Variants in SGCD observed in about 807,000 individuals in gnomAD.
SGCD encodes sarcoglycan delta.
In SGCD, 18 loss-of-function variants were observed where a neutral mutation model predicts 36.6. That is an observed-to-expected ratio of 0.49 (90% CI 0.34 to 0.73). SGCD has a LOEUF of 0.73. Among genes scored for constraint, SGCD ranks in the 30% least tolerant of loss-of-function variants. The pLI, the probability that SGCD is intolerant of heterozygous loss-of-function variation, is 0.01. For synonymous variants in SGCD, 133 were observed against 130.6 expected, an observed-to-expected ratio of 1.02 and a Z score of -0.12; for missense variants, 387 against 346.7, an observed-to-expected ratio of 1.12 and a Z score of -0.92.
rs533839558 is a variant in SGCD, at chr5:155,876,739, A to T, written c.-282+6315A>T. Reference sequence around the variant, plus strand: ...TAGGGCATTAAAATGGCATTTCGTTACTTGATTGTTAGCCAAGTGACAAAT... The same window carrying T: ...TAGGGCATTAAAATGGCATTTCGTTTCTTGATTGTTAGCCAAGTGACAAAT... On this transcript the variant is annotated intron_variant, in intron 1 of 9. Coordinates refer to the SGCD transcript ENST00000517913. Among the ~76,000 whole-genome samples the T allele has an allele frequency of 1.4e-4, 21 of 152,176 alleles. No individual in the cohort carries two copies. In the South Asian group the frequency reaches 4.1e-3, roughly 30 times the overall value.
At chr5:156,690,169 G>A (rs1754056537) in intron 7 of SGCD, among the ~76,000 whole-genome samples, 1 of 152,166 alleles carries the variant, frequency 6.6e-6, no homozygotes, top group African/African-American at 2.4e-5. Context: ...TACTATACTA[G>A]CCCTGTTCTA....
At chr5:155,932,990 C>T (rs1268504710) in intron 1 of SGCD, among the ~76,000 whole-genome samples, 7 of 152,130 alleles carry the variant, frequency 4.6e-5, no homozygotes, top group African/African-American at 1.4e-4. Flanking sequence ...GCTCCTACCT[C>T]TTCTGCATTT....
intron 1 of SGCD, among the ~76,000 whole-genome samples, chr5:156,070,663 A>G (rs1159470142): frequency 6.6e-6 from 1 of 151,950 alleles, no homozygotes; most frequent in Admixed American, 6.6e-5. Context: ...GTTAGGGAGG[A>G]TTCCCCCTTT....
chr5:156,104,924 T>C (rs187756828), intron 1 of SGCD, among the ~76,000 whole-genome samples: 3 of 152,150 alleles, frequency 2.0e-5, no homozygotes, highest in Non-Finnish European at 4.4e-5. Context: ...AGAGAAAGCA[T>C]TGAATAAATG....
At chr5:156,722,753 A>G (rs1351998984) in intron 7 of SGCD, among the ~76,000 whole-genome samples, 2 of 152,196 alleles carry the variant, frequency 1.3e-5, no homozygotes, top group Non-Finnish European at 2.9e-5. Context: ...CCTCAGTTAT[A>G]GGTCGACCAT....
In SGCD at chr5:156,313,980, G is replaced by GTCCTGAAAATCTTAGCCCACAAT. The variant is rs561758821; in HGVS notation, c.-43-15540_-43-15518dup. Among the ~76,000 whole-genome samples, 288 of 151,456 alleles carry GTCCTGAAAATCTTAGCCCACAAT rather than the reference G, an allele frequency of 1.9e-3. 2 individuals are homozygous for GTCCTGAAAATCTTAGCCCACAAT. Among genetic ancestry groups the GTCCTGAAAATCTTAGCCCACAAT allele is most frequent in the African/African-American group, 6.6e-3 (272 of 41,298 alleles). ...CTTTTCTATTATCACCTTTTTATACGTCCTGAAAATCTTAGCCCACAATTC... is the reference window on the plus strand; with the variant it reads ...CTTTTCTATTATCACCTTTTTATACGTCCTGAAAATCTTAGCCCACAATTCCTGAAAATCTTAGCCCACAATTC... On this transcript the variant is annotated intron_variant, in intron 3 of 9. Transcript: ENST00000517913.
chr5:156,197,497 G>A (rs1345186955), intron 3 of SGCD, among the ~76,000 whole-genome samples: 1 of 128,758 alleles, frequency 7.8e-6, no homozygotes, highest in Admixed American at 7.9e-5. Context: ...TGGCTAAACA[G>A]CTTGGCCTTT....
At chr5:156,549,119 C>A (rs1758693885) in intron 4 of SGCD, among the ~76,000 whole-genome samples, 1 of 145,212 alleles carries the variant, frequency 6.9e-6, no homozygotes, top group African/African-American at 2.9e-5. Flanking sequence ...CCACCTAAAT[C>A]TGAGAATTAT....
intron 7 of SGCD, among the ~76,000 whole-genome samples, chr5:156,712,875 C>A (rs944333525): frequency 6.6e-6 from 1 of 152,164 alleles, no homozygotes; most frequent in Non-Finnish European, 1.5e-5. Flanking sequence ...TGCACTTAAA[C>A]CAGTGGGAAA....
rs147381704 is a variant in SGCD, at chr5:156,533,411, A to G, written c.294+24709A>G. Among the ~76,000 whole-genome samples, 787 of 152,330 alleles carry G rather than the reference A, an allele frequency of 5.2e-3. 9 individuals carry two copies. The highest frequency in any genetic ancestry group is 0.018 in the African/African-American group (748 of 41,572). On this transcript the variant is annotated intron_variant, in intron 4 of 8. Coordinates refer to ENST00000337851, the MANE Select transcript of SGCD (RefSeq NM_000337.6). Reference sequence around the variant, plus strand: ...AGTCCCTGACTCAGGAAAAAATGCCATGATATTCTAAGGATAATATGCTCT... The same window carrying G: ...AGTCCCTGACTCAGGAAAAAATGCCGTGATATTCTAAGGATAATATGCTCT...
intron 7 of SGCD, among the ~76,000 whole-genome samples, chr5:156,686,942 T>C (rs1297122849): frequency 6.6e-6 from 1 of 152,172 alleles, no homozygotes; most frequent in East Asian, 1.9e-4. Flanking sequence ...TCTGATTCCC[T>C]CTGGGGGCAG....
At chr5:156,720,506 A>C (rs1755444458) in intron 7 of SGCD, among the ~76,000 whole-genome samples, 1 of 152,154 alleles carries the variant, frequency 6.6e-6, no homozygotes, top group Non-Finnish European at 1.5e-5. Context: ...AACAGGGTGA[A>C]AAAGGGGAAG....
Position 156,194,452 on chromosome 5 carries a change from C to T in SGCD, c.-44+70433C>T, listed in dbSNP as rs145296057. 7.8e-4 allele frequency among the ~76,000 whole-genome samples: 119 copies of T among 152,042 alleles called. 1 individual carries two copies. The East Asian group carries it at 0.021, about 27-fold the overall frequency. ...ATATTTAATATGTGAAACTCTGCTA[C>T]TTTTATTATTGTTGAGAAATTACCA... is the stretch of plus-strand genomic sequence containing the variant. On this transcript the variant is annotated intron_variant, in intron 3 of 9. Coordinates refer to the SGCD transcript ENST00000517913.
intron 1 of SGCD, among the ~76,000 whole-genome samples, chr5:156,084,255 C>T (rs951608379): frequency 6.6e-6 from 1 of 152,020 alleles, no homozygotes; most frequent in African/African-American, 2.4e-5. Flanking sequence ...ATAGGTACGA[C>T]TTCTTTAATT....
intron 1 of SGCD, among the ~76,000 whole-genome samples, chr5:156,113,025 A>G (rs1328972634): frequency 1.3e-5 from 2 of 152,176 alleles, no homozygotes; most frequent in African/African-American, 2.4e-5. Flanking sequence ...ATGTGCATTT[A>G]ATTTATGTAA....
intron 3 of SGCD, among the ~76,000 whole-genome samples, chr5:156,353,351 TAAATG>T (rs1769346147): frequency 1.3e-5 from 2 of 152,330 alleles, no homozygotes; most frequent in South Asian, 2.1e-4. Context: ...AGGTAGATCA[TAAATG>T]AGATGAGTGC....
In SGCD at chr5:156,059,797, G is replaced by T. The variant is rs555504264; in HGVS notation, c.-281-58081G>T. Among the ~76,000 whole-genome samples the T allele has an allele frequency of 1.2e-4, 18 of 147,038 alleles. 2 individuals are homozygous for T. The highest frequency in any genetic ancestry group is 3.9e-4 in the African/African-American group (16 of 40,932). On this transcript the variant is annotated intron_variant, in intron 1 of 9. Transcript: ENST00000517913. Reference sequence around the variant, plus strand: ...AAATACAAGTCGTTTCGTGGCTATTGCTGGTAAGAAATAGAATATCCAGAT... The same window carrying T: ...AAATACAAGTCGTTTCGTGGCTATTTCTGGTAAGAAATAGAATATCCAGAT...
chr5:156,046,002 A>G (rs1466155261), intron 1 of SGCD, among the ~76,000 whole-genome samples: 2 of 152,148 alleles, frequency 1.3e-5, no homozygotes, highest in Non-Finnish European at 2.9e-5. Context: ...TAAAATTATA[A>G]TATGCTCCAA....
chr5:156,534,332 C>T (rs1183265093), intron 4 of SGCD, among the ~76,000 whole-genome samples: 2 of 152,202 alleles, frequency 1.3e-5, no homozygotes, highest in Non-Finnish European at 2.9e-5. Context: ...GCCTCTACGG[C>T]TTGCCCTAGC....
Sources: gnomAD v4.1 joint callset for allele counts (sites outside exome capture counted in the v4.1 genomes callset) on GRCh38, gnomAD v4.1.1 for gene constraint, MANE v1.5 for transcripts, NCBI Gene and HGNC (gene_info 2026-07-23, HGNC 2026-07-21) for gene names.